INPP4B: variants seen among roughly 807,000 people sequenced by gnomAD.
INPP4B encodes the protein inositol polyphosphate 4-phosphatase type II.
A neutral mutation model predicts 122.5 loss-of-function variants in INPP4B; 55 were observed. The ratio of observed to expected loss-of-function variants is 0.45; its 90% CI spans 0.36 to 0.56. The LOEUF is 0.56. Ranked by LOEUF, INPP4B falls within the 20% of genes least tolerant of loss-of-function variation. INPP4B has a pLI of 0.00. For synonymous variants in INPP4B, 403 were observed against 388.7 expected (o/e 1.04, Z -0.43); for missense variants, 1,000 against 1,097.7 (o/e 0.91, Z 1.26).
At chr4:142,698,890 C>T (rs1404878983) in intron 2 of INPP4B, among the ~76,000 whole-genome samples, 2 of 152,182 alleles carry the variant, frequency 1.3e-5, no homozygotes, top group Non-Finnish European at 2.9e-5. Context: ...TTTCTCCACT[C>T]TAGCTCAATA....
intron 1 of INPP4B, among the ~76,000 whole-genome samples, chr4:142,831,800 T>C (rs1042905810): frequency 6.6e-6 from 1 of 152,198 alleles, no homozygotes; most frequent in Non-Finnish European, 1.5e-5. Context: ...TAGAAGATGC[T>C]TCATAGAAAG....
chr4:142,378,850 T>G (rs6828156), intron 7 of INPP4B, among the ~76,000 whole-genome samples: 36,714 of 152,090 alleles, frequency 0.24, 4,957 homozygotes, highest in East Asian at 0.44. Context: ...GAGGTCCCAC[T>G]ACCCTTGTTG....
intron 3 of INPP4B, among the ~76,000 whole-genome samples, chr4:142,455,201 C>T (rs916791134): frequency 5.3e-5 from 8 of 151,862 alleles, no homozygotes; most frequent in Admixed American, 2.0e-4. Context: ...TTAATATATA[C>T]GATTAAGTTA....
chr4:142,115,223 T>C (rs893222631), intron 21 of INPP4B, among the ~76,000 whole-genome samples: 19 of 152,114 alleles, frequency 1.2e-4, no homozygotes, highest in Admixed American at 9.2e-4. Flanking sequence ...TGGAACCAAG[T>C]TGGAAAACAC....
intron 2 of INPP4B, among the ~76,000 whole-genome samples, chr4:142,685,879 T>C (rs1032381500): frequency 1.3e-5 from 2 of 152,160 alleles, no homozygotes; most frequent in African/African-American, 4.8e-5. Flanking sequence ...TACATGGCTA[T>C]ATAAATATCA....
chr4:142,720,893 CGTGTGTGT>C (rs35250436), intron 2 of INPP4B, among the ~76,000 whole-genome samples: 4 of 111,258 alleles, frequency 3.6e-5, no homozygotes, highest in South Asian at 6.3e-4. Flanking sequence ...GAGTGCATCT[CGTGTGTGT>C]GTGTGTGTGT....
chr4:142,512,064 T>A (rs964722485), intron 2 of INPP4B, among the ~76,000 whole-genome samples: 2 of 152,142 alleles, frequency 1.3e-5, no homozygotes, highest in Non-Finnish European at 1.5e-5. Context: ...TTCAATTGAC[T>A]CTAGGTGAAA....
chr4:142,074,809 G>A (rs1310657042), intron 25 of INPP4B, among the ~76,000 whole-genome samples: 1 of 151,602 alleles, frequency 6.6e-6, no homozygotes, highest in Non-Finnish European at 1.5e-5. Flanking sequence ...TTAAACGTAA[G>A]CAAAATCACT....
At chr4:142,787,288 C>T (rs1580915800) in intron 1 of INPP4B, among the ~76,000 whole-genome samples, 1 of 152,064 alleles carries the variant, frequency 6.6e-6, no homozygotes, top group African/African-American at 2.4e-5. Context: ...AGAGGGGATT[C>T]GGCCATGCAG....
chr4:142,714,936 A>G (rs1580759669), intron 2 of INPP4B, among the ~76,000 whole-genome samples: 1 of 152,388 alleles, frequency 6.6e-6, no homozygotes, highest in East Asian at 1.9e-4. Flanking sequence ...GTTATTATAT[A>G]TAACTAATGT....
At chr4:142,323,661 G>A (rs1359638585) in intron 7 of INPP4B, among the ~76,000 whole-genome samples, 4 of 151,780 alleles carry the variant, frequency 2.6e-5, no homozygotes, top group African/African-American at 4.8e-5. Context: ...TAGCCAGGAT[G>A]GTCTCAATCT....
intron 2 of INPP4B, among the ~76,000 whole-genome samples, chr4:142,651,255 T>G (rs540960225): frequency 6.6e-6 from 1 of 152,156 alleles, no homozygotes; most frequent in East Asian, 1.9e-4. Flanking sequence ...CTAAAATGCC[T>G]GCAAGAGAAA....
intron 17 of INPP4B, among the ~76,000 whole-genome samples, chr4:142,147,741 T>C (rs1475069928): frequency 1.3e-5 from 2 of 152,212 alleles, no homozygotes; most frequent in Non-Finnish European, 1.5e-5. Flanking sequence ...CAAGCGATTA[T>C]AACAATCTTT....
intron 1 of INPP4B, among the ~76,000 whole-genome samples, chr4:142,756,539 G>T (rs564539014): frequency 2.0e-5 from 3 of 151,864 alleles, no homozygotes; most frequent in Admixed American, 6.6e-5. Context: ...CTTACTCTAC[G>T]GCATTCCAAG....
intron 15 of INPP4B, among the ~76,000 whole-genome samples, chr4:142,175,621 A>AT (rs1827791089): frequency 1.4e-5 from 1 of 73,832 alleles, no homozygotes; most frequent in Non-Finnish European, 4.6e-5. Context: ...GTTAAAGTAA[A>AT]TGAAAAAAAA....
intron 2 of INPP4B, among the ~76,000 whole-genome samples, chr4:142,586,313 C>CAA (rs5862595): frequency 1.1e-4 from 17 of 151,534 alleles, no homozygotes; most frequent in South Asian, 6.3e-4. Context: ...GACCCTGTCT[C>CAA]AAAAAAACAA....
intron 2 of INPP4B, among the ~76,000 whole-genome samples, chr4:142,686,993 T>G (rs962102824): frequency 6.6e-6 from 1 of 151,996 alleles, no homozygotes; most frequent in Non-Finnish European, 1.5e-5. Flanking sequence ...CTTTTTGGTA[T>G]ATGGGAAACA....
At chr4:142,215,848 G>C (rs563659630) in intron 12 of INPP4B, among the ~76,000 whole-genome samples, 1 of 122,506 alleles carries the variant, frequency 8.2e-6, no homozygotes, top group East Asian at 2.9e-4. Flanking sequence ...AGCTGAGATT[G>C]TGCCACTACA....
At chr4:142,152,962 T>G (rs909989097) in intron 17 of INPP4B, among the ~76,000 whole-genome samples, 1 of 152,152 alleles carries the variant, frequency 6.6e-6, no homozygotes, top group Non-Finnish European at 1.5e-5. Flanking sequence ...AATCTGTTAT[T>G]TGGTAGTAAA....
Sources: gnomAD v4.1 joint callset for allele counts (sites outside exome capture counted in the v4.1 genomes callset) on GRCh38, gnomAD v4.1.1 for gene constraint, MANE v1.5 for transcripts, NCBI Gene and HGNC (gene_info 2026-07-23, HGNC 2026-07-21) for gene names.